The following MEF2C variants were observed in gnomAD, a reference collection of about 807,000 sequenced individuals.
MEF2C encodes the protein myocyte-specific enhancer factor 2C.
In MEF2C, 6 loss-of-function variants were observed where a neutral mutation model predicts 50.5. The ratio of observed to expected loss-of-function variants is 0.12; its 90% CI spans 0.07 to 0.23. MEF2C has a LOEUF of 0.23. Ranked by LOEUF, MEF2C falls within the 10% of genes least tolerant of loss-of-function variation. MEF2C has a pLI of 1.00. For missense variants in MEF2C, 276 were observed against 605.0 expected (o/e 0.46, Z 5.70); for synonymous variants, 183 against 228.0 (o/e 0.80, Z 1.78).
At chr5:88,888,879 C>T (rs1243479689) in intron 1 of MEF2C, 1 of 152,096 alleles carries the variant, frequency 6.6e-6, no homozygotes, top group Admixed American at 6.5e-5. Context: ...GCGACTTTAC[C>T]TTTACTTACA....
chr5:88,742,567 G>C, intron 6 of MEF2C: 2 of 982,916 alleles, frequency 2.0e-6, no homozygotes, highest in Non-Finnish European at 2.4e-6. Flanking sequence ...ATAAACAAAG[G>C]GCTCTAAAAT....
chr5:88,731,695 A>G, intron 7 of MEF2C, 34 bp downstream of exon 7: 1 of 1,568,218 alleles, frequency 6.4e-7, no homozygotes, highest in Non-Finnish European at 8.8e-7. Flanking sequence ...ACAAAACATT[A>G]TCAATATTTA....
chr5:88,780,916 T>C (rs970947995), intron 3 of MEF2C: 10 of 985,202 alleles, frequency 1.0e-5, no homozygotes, highest in Non-Finnish European at 1.2e-5. Flanking sequence ...GGATACAAAG[T>C]AGTTCAAAGG....
At chr5:88,733,288 A>C (rs1762468213) in intron 6 of MEF2C, 3 of 985,182 alleles carry the variant, frequency 3.0e-6, no homozygotes. Flanking sequence ...CACTGAGAGG[A>C]ACCTGTTTAG....
At chr5:88,890,221 G>T (rs931577096) in intron 1 of MEF2C, among the ~76,000 whole-genome samples, 1 of 152,218 alleles carries the variant, frequency 6.6e-6, no homozygotes, top group Non-Finnish European at 1.5e-5. Flanking sequence ...AAGAAGTAGG[G>T]TATTCAGGAT....
intron 1 of MEF2C, among the ~76,000 whole-genome samples, chr5:88,894,160 C>G (rs1187283924): frequency 6.6e-6 from 1 of 152,126 alleles, no homozygotes; most frequent in Non-Finnish European, 1.5e-5. Flanking sequence ...CAAAGAACAA[C>G]CTTTTAGACA....
chr5:88,738,162 C>G (rs1402045257), intron 6 of MEF2C: 2 of 985,122 alleles, frequency 2.0e-6, no homozygotes, highest in South Asian at 9.4e-5. Flanking sequence ...CCTACAGAGC[C>G]TTAGTTTTCT....
At position 88,860,132 on chromosome 5, in the gene MEF2C, A is replaced by G. The variant is rs568325102; in HGVS notation, c.-143+22823T>C. 2.0e-5 allele frequency among the ~76,000 whole-genome samples: 3 copies of G among 152,298 alleles called. No homozygotes were observed. The South Asian group carries it at 6.2e-4, about 32-fold the overall frequency. On this transcript the variant is annotated intron_variant, in intron 1 of 10. Coordinates refer to ENST00000504921, the MANE Select transcript of MEF2C (RefSeq NM_002397.5). The stretch of plus-strand genomic sequence containing the variant: ...TATGTTTCACAGGTAGGAAAGGACA[A>G]CAGTTTCTTTTACATAATGGCAATA...
intron 4 of MEF2C, chr5:88,760,872 T>A: frequency 8.8e-7 from 1 of 1,133,516 alleles, no homozygotes; most frequent in African/African-American, 1.6e-5. Flanking sequence ...TGGGATGAGA[T>A]GGCTATTTAT....
At chr5:88,856,693 G>T (rs2153408628) in intron 1 of MEF2C, among the ~76,000 whole-genome samples, 1 of 152,386 alleles carries the variant, frequency 6.6e-6, no homozygotes, top group Non-Finnish European at 1.5e-5. Flanking sequence ...GCTTCAGAGG[G>T]TTCAAGCTCC....
intron 1 of MEF2C, among the ~76,000 whole-genome samples, chr5:88,877,297 C>T (rs1264318561): frequency 3.3e-5 from 5 of 151,702 alleles, no homozygotes; most frequent in Non-Finnish European, 7.4e-5. Flanking sequence ...AAATATATAC[C>T]AAGATTTAAC....
At chr5:88,802,690 C>G (rs1798869422) in intron 3 of MEF2C, among the ~76,000 whole-genome samples, 1 of 152,238 alleles carries the variant, frequency 6.6e-6, no homozygotes, top group Non-Finnish European at 1.5e-5. Flanking sequence ...CTCAGGCAAT[C>G]TGCCCACCTA....
chr5:88,759,375 G>C (rs1201103325), intron 4 of MEF2C, among the ~76,000 whole-genome samples: 1 of 152,120 alleles, frequency 6.6e-6, no homozygotes, highest in Non-Finnish European at 1.5e-5. Flanking sequence ...CTAGCTATTC[G>C]GGAGGCTGAG....
chr5:88,880,277 T>C (rs1377432472), intron 1 of MEF2C, among the ~76,000 whole-genome samples: 2 of 152,298 alleles, frequency 1.3e-5, no homozygotes, highest in African/African-American at 4.8e-5. Context: ...GTAACTTTAT[T>C]AATAATCTCT....
At chr5:88,781,711 CCTGTAATCTCAGCA>C (rs573196492) in intron 3 of MEF2C, among the ~76,000 whole-genome samples, 81 of 152,266 alleles carry the variant, frequency 5.3e-4, no homozygotes, top group African/African-American at 1.9e-3. Flanking sequence ...GTGGCTCACA[CCTGTAATCTCAGCA>C]CTTTGGGAAG....
At chr5:88,851,379 C>T (rs886306044) in intron 1 of MEF2C, among the ~76,000 whole-genome samples, 1 of 151,940 alleles carries the variant, frequency 6.6e-6, no homozygotes, top group Non-Finnish European at 1.5e-5. Flanking sequence ...AAGTTATATA[C>T]AAATCTTCAA....
intron 1 of MEF2C, among the ~76,000 whole-genome samples, chr5:88,895,976 A>G (rs561224259): frequency 6.6e-5 from 10 of 152,218 alleles, no homozygotes; most frequent in African/African-American, 2.4e-4. Flanking sequence ...TTCCACAGAT[A>G]CCCTGCTGTG....
At chr5:88,839,351 C>CTCTCTCTCTCTA (rs10694803) in intron 1 of MEF2C, 100 of 146,384 alleles carry the variant, frequency 6.8e-4, no homozygotes, top group South Asian at 3.9e-3. Flanking sequence ...CTCTCTCTCT[C>CTCTCTCTCTCTA]TCTATCTATC....
Position 88,891,729 on chromosome 5 carries a change from A to G in MEF2C, c.-239-4131T>C, listed in dbSNP as rs1210353143. Among the ~76,000 whole-genome samples the G allele has an allele frequency of 2.6e-5, 4 of 152,132 alleles. No individual in the cohort carries two copies. In the South Asian group the frequency reaches 6.2e-4, roughly 24 times the overall value. On this transcript the variant is annotated intron_variant, in intron 1 of 11. Coordinates refer to the MEF2C transcript ENST00000340208. Reference sequence around the variant, plus strand: ...CCGGCCCAAACAAAACATTATTACAAATTACACTATCTGAAACATATAAGG... The same window carrying G: ...CCGGCCCAAACAAAACATTATTACAGATTACACTATCTGAAACATATAAGG...
Sources: gnomAD v4.1 joint callset for allele counts (sites outside exome capture counted in the v4.1 genomes callset) on GRCh38, gnomAD v4.1.1 for gene constraint, MANE v1.5 for transcripts, NCBI Gene and HGNC (gene_info 2026-07-23, HGNC 2026-07-21) for gene names.